The following CDH20 variants were observed in gnomAD, a reference collection of about 807,000 sequenced individuals.
The protein encoded by CDH20 is cadherin 20, also known as cadherin-20.
A neutral mutation model predicts 74.2 loss-of-function variants in CDH20; 29 were observed. The ratio of observed to expected loss-of-function variants is 0.39; its 90% CI spans 0.29 to 0.53. CDH20 has a LOEUF of 0.53. Ranked by LOEUF, CDH20 falls within the 20% of genes least tolerant of loss-of-function variation. CDH20 has a pLI of 0.69. For synonymous variants in CDH20, 469 were observed against 405.4 expected, an observed-to-expected ratio of 1.16 and a Z score of -1.88; for missense variants, 988 against 1,048.3, an observed-to-expected ratio of 0.94 and a Z score of 0.79.
intron 1 of CDH20, among the ~76,000 whole-genome samples, chr18:61,414,329 G>A (rs1421734452): frequency 6.6e-6 from 1 of 152,036 alleles, no homozygotes; most frequent in East Asian, 1.9e-4. Flanking sequence ...GAAGCACAAG[G>A]GAAGCTACTC....
chr18:61,486,861 T>C (rs953528935), intron 1 of CDH20, among the ~76,000 whole-genome samples: 1 of 152,078 alleles, frequency 6.6e-6, no homozygotes, highest in East Asian at 1.9e-4. Context: ...CCATTAACCA[T>C]GAAAAGCTCA....
chr18:61,381,810 A>G (rs918381790), intron 1 of CDH20, among the ~76,000 whole-genome samples: 1 of 152,238 alleles, frequency 6.6e-6, no homozygotes, highest in African/African-American at 2.4e-5. Flanking sequence ...TGAACATCCC[A>G]CAAGTTTAGC....
intron 1 of CDH20, among the ~76,000 whole-genome samples, chr18:61,456,049 GAA>G (rs1568146387): frequency 6.6e-6 from 1 of 152,152 alleles, no homozygotes; most frequent in Non-Finnish European, 1.5e-5. Context: ...TCTAAAAAAT[GAA>G]CTCTCATAAC....
chr18:61,358,264 G>GC (rs1349969367), intron 1 of CDH20, among the ~76,000 whole-genome samples: 1 of 151,048 alleles, frequency 6.6e-6, no homozygotes, highest in African/African-American at 2.4e-5. Context: ...ACAGGCGCCC[G>GC]CCACCACACC....
chr18:61,500,404 C>G lies in CDH20; in HGVS notation c.563C>G (p.Thr188Arg), dbSNP rs748328095. 1.9e-6 allele frequency: 3 copies of G among 1,612,434 alleles called. No homozygotes were observed. In the South Asian group the frequency reaches 3.3e-5, roughly 18 times the overall value. Residue 188 changes from threonine (T) to arginine (R), a missense_variant, in exon 4 of 12, where the codon ACA becomes AGA. Transcript: ENST00000262717. Reference protein sequence around the residue: ...SPVGTSVIQVTATDADDPTYG... With the variant: ...SPVGTSVIQVRATDADDPTYG... ...CCAGGTACCTCCGTCATCCAAGTGACAGCCACAGATGCAGATGACCCGACC... is the reference window on the plus strand; with the variant it reads ...CCAGGTACCTCCGTCATCCAAGTGAGAGCCACAGATGCAGATGACCCGACC...
intron 2 of CDH20, among the ~76,000 whole-genome samples, chr18:61,492,753 A>G (rs943706794): frequency 2.0e-5 from 3 of 152,128 alleles, no homozygotes; most frequent in African/African-American, 7.2e-5. Context: ...CACAGCCCTA[A>G]TCACAACCAC....
intron 1 of CDH20, among the ~76,000 whole-genome samples, chr18:61,352,043 G>T (rs905514899): frequency 2.6e-5 from 4 of 152,212 alleles, no homozygotes; most frequent in Middle Eastern, 3.4e-3. Context: ...CTTCATCACT[G>T]CCCACTCCCT....
Position 61,554,632 on chromosome 18 carries a change from GC to G in CDH20, c.2347del (p.Arg783AlafsTer76). 1.2e-6 allele frequency: 2 copies of G among 1,603,014 alleles called. No individual in the cohort carries two copies. The highest frequency in any genetic ancestry group is 1.7e-6 in the Non-Finnish European group (2 of 1,175,380). On this transcript the variant is annotated frameshift_variant, in exon 12 of 12. Coordinates refer to ENST00000262717, the MANE Select transcript of CDH20 (RefSeq NM_031891.4). LOFTEE classifies it high-confidence loss of function. ...QSFDFLTDWG[P>X]RFRKLAELYG... is the part of the protein sequence containing the mutation. ...GCTTCGACTTCCTGACGGACTGGGG[GC>G]CCCGCTTCCGGAAGCTGGCCGAGCT...
At chr18:61,336,271 A>C (rs758811) in intron 1 of CDH20, among the ~76,000 whole-genome samples, 110,042 of 152,134 alleles carry the variant, frequency 0.72, 43,541 homozygotes, top group East Asian at 0.93. Flanking sequence ...CAGAGGGCTA[A>C]CCAAGGTATT....
chr18:61,345,639 C>G (rs1413302282), intron 1 of CDH20, among the ~76,000 whole-genome samples: 2 of 152,078 alleles, frequency 1.3e-5, no homozygotes, highest in Non-Finnish European at 2.9e-5. Context: ...GTTTCTCCCC[C>G]TAGGTTTTTA....
chr18:61,555,188 A>G lies in CDH20; in HGVS notation c.*493A>G. 1.0e-6 allele frequency: 1 copy of G among 985,098 alleles called. No individual in the cohort carries two copies. 61.0% of individuals were successfully genotyped at this position (985,098 alleles called of 1,614,324 possible). A position where few individuals can be genotyped will look rare whatever the true frequency, so the allele number is the denominator to read the frequency against. On this transcript the variant is annotated 3_prime_UTR_variant, in exon 12 of 12. Transcript: ENST00000262717. ...AGAAAGAACAAAAAACTTGTTACTC[A>G]GTGAAATTAACCTACTTGTTCTGGG... is the stretch of plus-strand genomic sequence containing the variant.
intron 2 of CDH20, 149 bp from the exon 3 acceptor site, chr18:61,499,037 A>G (rs907292374): frequency 1.0e-5 from 6 of 601,724 alleles, no homozygotes; most frequent in African/African-American, 1.8e-5. Flanking sequence ...TGTCCAATGC[A>G]TACTAGTTCT....
intron 1 of CDH20, among the ~76,000 whole-genome samples, chr18:61,455,391 CA>C (rs1909539475): frequency 6.6e-6 from 1 of 152,094 alleles, no homozygotes; most frequent in South Asian, 2.1e-4. Flanking sequence ...GTTTGTAAGA[CA>C]AAAGATTCCG....
chr18:61,414,941 C>T (rs1912636819), intron 1 of CDH20, among the ~76,000 whole-genome samples: 1 of 151,998 alleles, frequency 6.6e-6, no homozygotes. Flanking sequence ...CTTCGTATTT[C>T]CAAACTGAAA....
chr18:61,461,381 G>A (rs1397676733), intron 1 of CDH20, among the ~76,000 whole-genome samples: 1 of 149,678 alleles, frequency 6.7e-6, no homozygotes, highest in East Asian at 2.0e-4. Flanking sequence ...CTGGAAGGTA[G>A]AAGTTTAAAA....
At chr18:61,515,237 T>G (rs1020276953) in intron 6 of CDH20, among the ~76,000 whole-genome samples, 8 of 152,116 alleles carry the variant, frequency 5.3e-5, no homozygotes, top group African/African-American at 1.4e-4. Context: ...AAAAGCGCAA[T>G]ATTCGGGTAG....
intron 1 of CDH20, among the ~76,000 whole-genome samples, chr18:61,343,575 G>C (rs1910022097): frequency 6.6e-6 from 1 of 152,114 alleles, no homozygotes; most frequent in Non-Finnish European, 1.5e-5. Flanking sequence ...AGGGTGCACT[G>C]TGATGTCCTG....
At position 61,491,591 on chromosome 18, in the gene CDH20, G is replaced by A. The variant is rs7242339; in HGVS notation, c.246+792G>A. Among the ~76,000 whole-genome samples, 1,361 of 152,284 alleles carry A rather than the reference G, an allele frequency of 8.9e-3. 21 individuals are homozygous for A. Among genetic ancestry groups the A allele is most frequent in the African/African-American group, 0.031 (1,276 of 41,560 alleles). The stretch of plus-strand genomic sequence containing the variant: ...TTATTTCTAGAGGAACTTTGGACAG[G>A]TCACCAAGCCCTGCTCATCTCGGCT... On this transcript the variant is annotated intron_variant, in intron 2 of 11. Coordinates refer to ENST00000262717, the MANE Select transcript of CDH20 (RefSeq NM_031891.4).
At chr18:61,421,489 C>G (rs868389112) in intron 1 of CDH20, among the ~76,000 whole-genome samples, 1 of 152,174 alleles carries the variant, frequency 6.6e-6, no homozygotes, top group Admixed American at 6.5e-5. Flanking sequence ...ACTATCTAAT[C>G]ATGTCATTTA....
Sources: gnomAD v4.1 joint callset for allele counts (sites outside exome capture counted in the v4.1 genomes callset) on GRCh38, gnomAD v4.1.1 for gene constraint, MANE v1.5 for transcripts, NCBI Gene and HGNC (gene_info 2026-07-23, HGNC 2026-07-21) for gene names.